The following SIPA1L3 variants were observed in gnomAD, a reference collection of about 807,000 sequenced individuals.
The protein encoded by SIPA1L3 is signal induced proliferation associated 1 like 3.
SIPA1L3 carries 59 observed loss-of-function variants against 150.1 expected under a neutral mutation model. The observed-to-expected ratio is 0.39, with a 90% CI of 0.32 to 0.49. The LOEUF (loss-of-function observed/expected upper bound fraction) is 0.49. Ranked by LOEUF, SIPA1L3 falls within the 20% of genes least tolerant of loss-of-function variation. The pLI is 0.86. For synonymous variants in SIPA1L3, 1,070 were observed against 1,077.6 expected (o/e 0.99, Z 0.14); for missense variants, 2,211 against 2,489.5 (o/e 0.89, Z 2.38).
At chr19:38,024,440 C>T (rs1418566127) in intron 1 of SIPA1L3, among the ~76,000 whole-genome samples, 1 of 151,966 alleles carries the variant, frequency 6.6e-6, no homozygotes, top group Non-Finnish European at 1.5e-5. Context: ...GGCCTGGAGC[C>T]TCGCTTGCAG....
chr19:38,110,990 G>A (rs890426680), intron 8 of SIPA1L3, among the ~76,000 whole-genome samples: 1 of 151,302 alleles, frequency 6.6e-6, no homozygotes, highest in Admixed American at 6.6e-5. Flanking sequence ...GCCCCACTTT[G>A]GAGGTAGAAT....
At chr19:38,108,107 C>CCTG (rs1335874306) in intron 7 of SIPA1L3, among the ~76,000 whole-genome samples, 1 of 152,068 alleles carries the variant, frequency 6.6e-6, no homozygotes, top group East Asian at 1.9e-4. Context: ...GCCTTGAGTC[C>CCTG]CTGCTGTGTA....
In SIPA1L3 at chr19:38,082,457, G is replaced by T; in HGVS notation, c.892G>T (p.Asp298Tyr). 1 of 1,590,348 alleles carries T rather than the reference G, an allele frequency of 6.3e-7. No individual in the cohort carries two copies. The highest frequency in any genetic ancestry group is 8.6e-7 in the Non-Finnish European group (1 of 1,169,218). Residue 298 changes from aspartate to tyrosine, a missense_variant, in exon 3 of 22, where the codon GAC becomes TAC. Asp to Tyr is a radical substitution (Grantham distance 160, BLOSUM62 -3). This residue lies in a region of SIPA1L3 where 587 missense variants were observed against 534.5 expected (regional missense o/e 1.10). Transcript: ENST00000222345. ...ARGLGGGDTV[D>Y]SSIFRKLRSS... The stretch of plus-strand genomic sequence containing the variant: ...GGGCCTCGGCGGCGGGGACACGGTG[G>T]ACTCGTCCATCTTTCGGAAGCTAAG...
chr19:38,003,339 G>A (rs1406258019), intron 1 of SIPA1L3, among the ~76,000 whole-genome samples: 2 of 152,122 alleles, frequency 1.3e-5, no homozygotes, highest in South Asian at 2.1e-4. Flanking sequence ...AAGAAGAATG[G>A]GATTTTTCAA....
chr19:38,111,553 A>G (rs899121146), intron 8 of SIPA1L3, among the ~76,000 whole-genome samples: 13 of 152,260 alleles, frequency 8.5e-5, no homozygotes, highest in African/African-American at 3.1e-4. Flanking sequence ...GGACGTGTGT[A>G]TGTGCACCAG....
At chr19:37,921,480 C>T (rs1004265681) in intron 1 of SIPA1L3, among the ~76,000 whole-genome samples, 1 of 152,116 alleles carries the variant, frequency 6.6e-6, no homozygotes, top group African/African-American at 2.4e-5. Flanking sequence ...CCTCTGGTGC[C>T]CCGTTTTTCT....
At chr19:38,001,045 T>TCA (rs1967794991) in intron 1 of SIPA1L3, among the ~76,000 whole-genome samples, 1 of 150,200 alleles carries the variant, frequency 6.7e-6, no homozygotes, top group South Asian at 2.1e-4. Flanking sequence ...CACACATATA[T>TCA]CACACATATA....
rs1034352819 is a variant in SIPA1L3, at chr19:38,082,701, C to A, written c.1136C>A (p.Ser379Ter). The A allele has an allele frequency of 1.2e-6, 2 of 1,610,244 alleles. No individual in the cohort carries two copies. Among genetic ancestry groups the A allele is most frequent in the South Asian group, 1.1e-5 (1 of 91,004 alleles). ...TTGASAASAA[S>*]AMASLTASRA... The stretch of plus-strand genomic sequence containing the variant: ...GGTGCTTCGGCCGCTTCCGCCGCCT[C>A]GGCCATGGCCTCCCTCACGGCCTCG... The change falls in exon 3 of 22, where the codon TCG (serine) becomes TAG (stop). Residue 379 changes from serine (S) to a stop codon, truncating the protein, a stop_gained. Coordinates refer to ENST00000222345, the MANE Select transcript of SIPA1L3 (RefSeq NM_015073.3). LOFTEE classifies it high-confidence loss of function.
intron 9 of SIPA1L3, among the ~76,000 whole-genome samples, chr19:38,124,313 C>A (rs1971114405): frequency 6.6e-6 from 1 of 151,550 alleles, no homozygotes; most frequent in African/African-American, 2.4e-5. Flanking sequence ...ACGCTCCTCA[C>A]CTCCCAGACG....
intron 1 of SIPA1L3, among the ~76,000 whole-genome samples, chr19:37,942,896 G>A (rs1160870307): frequency 6.6e-6 from 1 of 151,870 alleles, no homozygotes; most frequent in South Asian, 2.1e-4. Context: ...TTCAATTTTT[G>A]TATTTTTAGT....
intron 10 of SIPA1L3, among the ~76,000 whole-genome samples, chr19:38,136,358 C>A (rs771357147): frequency 6.6e-6 from 1 of 151,852 alleles, no homozygotes; most frequent in Non-Finnish European, 1.5e-5. Flanking sequence ...AATCCCAGCA[C>A]TTTGGGAGGC....
At chr19:38,035,542 G>C (rs528025646) in intron 2 of SIPA1L3, among the ~76,000 whole-genome samples, 2 of 152,134 alleles carry the variant, frequency 1.3e-5, no homozygotes, top group African/African-American at 4.8e-5. Context: ...ACAGCTTTCC[G>C]GAATCCAGCT....
At chr19:38,121,296 G>A (rs898508892) in intron 9 of SIPA1L3, among the ~76,000 whole-genome samples, 1 of 152,064 alleles carries the variant, frequency 6.6e-6, no homozygotes, top group African/African-American at 2.4e-5. Context: ...AAATTAGCCA[G>A]GCATGGTGGT....
intron 1 of SIPA1L3, among the ~76,000 whole-genome samples, chr19:37,983,502 A>G (rs1408653785): frequency 6.6e-6 from 1 of 151,640 alleles, no homozygotes; most frequent in Non-Finnish European, 1.5e-5. Context: ...AGTAGCGTTG[A>G]CCATGAAGAG....
chr19:38,128,615 G>T, intron 9 of SIPA1L3, among the ~76,000 whole-genome samples: 1 of 152,274 alleles, frequency 6.6e-6, no homozygotes, highest in East Asian at 1.9e-4. Flanking sequence ...TTCTTTCCTT[G>T]GCCGGGCGCA....
chr19:38,001,223 C>T (rs1967801453), intron 1 of SIPA1L3, among the ~76,000 whole-genome samples: 1 of 151,832 alleles, frequency 6.6e-6, no homozygotes, highest in Non-Finnish European at 1.5e-5. Context: ...TTGCACCCCA[C>T]CCTTCCTTAA....
intron 2 of SIPA1L3, among the ~76,000 whole-genome samples, chr19:38,075,981 T>C (rs1335036837): frequency 6.6e-6 from 1 of 151,238 alleles, no homozygotes; most frequent in African/African-American, 2.4e-5. Flanking sequence ...CTACTGAAAA[T>C]ACAAAAAATA....
chr19:38,202,027 A>C, intron 20 of SIPA1L3, 30 bp downstream of exon 20: 1 of 1,588,944 alleles, frequency 6.3e-7, no homozygotes, highest in East Asian at 2.2e-5. Context: ...ACCCGGGTTC[A>C]TACCAGCGGC....
intron 2 of SIPA1L3, among the ~76,000 whole-genome samples, chr19:38,048,793 C>A (rs1160723702): frequency 6.6e-6 from 1 of 152,090 alleles, no homozygotes; most frequent in Non-Finnish European, 1.5e-5. Context: ...TCAGTTAACA[C>A]CCAAAAAAGG....
Sources: gnomAD v4.1 joint callset for allele counts (sites outside exome capture counted in the v4.1 genomes callset) on GRCh38, gnomAD v4.1.1 for gene constraint, gnomAD v4.1.1 regional missense constraint, MANE v1.5 for transcripts, NCBI Gene and HGNC (gene_info 2026-07-23, HGNC 2026-07-21) for gene names.